CTBP2: variants seen among roughly 807,000 people sequenced by gnomAD.
The protein encoded by CTBP2 is C-terminal-binding protein 2.
In CTBP2, 30 loss-of-function variants were observed where a neutral mutation model predicts 80.3. The ratio of observed to expected loss-of-function variants is 0.37; its 90% CI spans 0.28 to 0.51. The LOEUF is 0.51. CTBP2 is among the 20% of genes least tolerant of loss of function. CTBP2 has a pLI of 0.93. For missense variants in CTBP2, 1,212 were observed against 1,375.3 expected (o/e 0.88, Z 1.88); for synonymous variants, 594 against 587.4 (o/e 1.01, Z -0.16).
At chr10:125,161,197 A>C (rs1300074335), upstream of CTBP2, 2 of 151,086 alleles carry the variant, frequency 1.3e-5, no homozygotes, top group Non-Finnish European at 2.9e-5. Context: ...GCTCCGCGAA[A>C]GTGCACACAA....
intron 1 of CTBP2, chr10:125,026,033 C>T (rs367943790): frequency 2.1e-4 from 316 of 1,529,150 alleles, no homozygotes; most frequent in Middle Eastern, 7.9e-4. Flanking sequence ...CCCGCACCCC[C>T]CTGCTCCCCC....
chr10:124,987,588 A>G lies in CTBP2; in HGVS notation c.*1930T>C, dbSNP rs912817243. ...TGAGTGGTTACGAAGACGTTAAACTACCTTTTTGTTCCCTGGGGTAATAGG... is the reference window on the plus strand; with the variant it reads ...TGAGTGGTTACGAAGACGTTAAACTGCCTTTTTGTTCCCTGGGGTAATAGG... On this transcript the variant is annotated 3_prime_UTR_variant, in exon 9 of 9. Coordinates refer to ENST00000309035, the MANE Select transcript of CTBP2 (RefSeq NM_022802.3). The G allele has an allele frequency of 2.0e-5, 3 of 152,048 alleles. No individual in the cohort carries two copies. The highest frequency in any genetic ancestry group is 7.2e-5 in the African/African-American group (3 of 41,396). 9.4% of individuals were successfully genotyped at this position (152,048 alleles called of 1,614,324 possible).
chr10:125,008,016 C>G (rs2028399), intron 1 of CTBP2, among the ~76,000 whole-genome samples: 29,047 of 151,738 alleles, frequency 0.19, 4,732 homozygotes, highest in African/African-American at 0.44. Context: ...GCACGATCTC[C>G]GCTCACTGCA....
chr10:125,082,646 G>A (rs1290043863), intron 2 of CTBP2, among the ~76,000 whole-genome samples: 2 of 147,572 alleles, frequency 1.4e-5, no homozygotes, highest in African/African-American at 5.1e-5. Context: ...AGAGTGAAGT[G>A]GCATGATCTC....
At chr10:125,138,558 C>T (rs965833694) in intron 1 of CTBP2, among the ~76,000 whole-genome samples, 2 of 151,316 alleles carry the variant, frequency 1.3e-5, no homozygotes, top group East Asian at 1.9e-4. Flanking sequence ...GAAGGAGGCT[C>T]GTGGATAATC....
At chr10:125,160,237 G>T (rs2133557988) in intron 1 of CTBP2, 82 bp downstream of exon 1, 1 of 152,368 alleles carries the variant, frequency 6.6e-6, no homozygotes, top group South Asian at 1.8e-4. Flanking sequence ...GCAGTGAGGC[G>T]CGGGCGCGGC....
At chr10:125,055,475 T>C (rs1963687751) in intron 2 of CTBP2, among the ~76,000 whole-genome samples, 1 of 152,136 alleles carries the variant, frequency 6.6e-6, no homozygotes, top group Non-Finnish European at 1.5e-5. Flanking sequence ...AAATCCAAAC[T>C]TCAGAGAACC....
At position 124,989,486 on chromosome 10, in the gene CTBP2, G is replaced by GT. The variant is rs1387007197; in HGVS notation, c.*31dup. 5 of 1,592,356 alleles carry GT rather than the reference G, an allele frequency of 3.1e-6. No individual in the cohort carries two copies. The highest frequency in any genetic ancestry group is 4.3e-6 in the Non-Finnish European group (5 of 1,162,102). On this transcript the variant is annotated 3_prime_UTR_variant, in exon 9 of 9. Transcript: ENST00000309035. ...TTTTCACTGTCTCTTGGTCCCAAGTGTATCTGAGTGATTACCTTCTGGCAT... is the reference window on the plus strand; with the variant it reads ...TTTTCACTGTCTCTTGGTCCCAAGTGTTATCTGAGTGATTACCTTCTGGCAT...
chr10:125,105,804 A>C (rs1851363460), intron 2 of CTBP2, among the ~76,000 whole-genome samples: 1 of 152,226 alleles, frequency 6.6e-6, no homozygotes, highest in Non-Finnish European at 1.5e-5. Context: ...GCCACTAATC[A>C]CACCCAGCAA....
chr10:125,130,650 A>T (rs575287770), intron 1 of CTBP2, among the ~76,000 whole-genome samples: 12 of 152,330 alleles, frequency 7.9e-5, no homozygotes, highest in African/African-American at 2.6e-4. Context: ...CAGTTAAAAT[A>T]TAGTGCGTGG....
Position 124,998,163 on chromosome 10 carries a change from G to C in CTBP2, c.1986C>G (p.Ala662=). ...CGGCTGCAGACGGGATGTTGCACAC[G>C]GCAATTCCTGAAAGGGATGAGGCCA... The change falls in exon 4 of 9, where the codon GCC becomes GCG. Residue 662 remains alanine, a synonymous_variant. Transcript: ENST00000309035. 1.2e-6 allele frequency: 2 copies of C among 1,604,742 alleles called. No individual in the cohort carries two copies. The highest frequency in any genetic ancestry group is 1.7e-6 in the Non-Finnish European group (2 of 1,176,506).
intron 2 of CTBP2, among the ~76,000 whole-genome samples, chr10:125,071,186 G>C (rs559339112): frequency 6.6e-6 from 1 of 152,328 alleles, no homozygotes; most frequent in African/African-American, 2.4e-5. Flanking sequence ...CTGCTGAGAG[G>C]GGAAACAGAG....
chr10:125,115,528 A>C (rs1024128446), intron 1 of CTBP2, among the ~76,000 whole-genome samples: 1 of 152,194 alleles, frequency 6.6e-6, no homozygotes, highest in Non-Finnish European at 1.5e-5. Flanking sequence ...CTACCTTCAC[A>C]GGTGGTCAGG....
chr10:125,143,404 G>A (rs1406082127), intron 1 of CTBP2, among the ~76,000 whole-genome samples: 1 of 152,140 alleles, frequency 6.6e-6, no homozygotes, highest in African/African-American at 2.4e-5. Context: ...CTTGAACCCG[G>A]GAGGCAGAGG....
intron 2 of CTBP2, among the ~76,000 whole-genome samples, chr10:125,101,457 C>T (rs1404360370): frequency 2.0e-5 from 3 of 152,362 alleles, no homozygotes; most frequent in East Asian, 1.9e-4. Flanking sequence ...GCCAGCACCT[C>T]GCCTTGGCTG....
At chr10:125,149,592 C>A (rs1859448882) in intron 1 of CTBP2, among the ~76,000 whole-genome samples, 1 of 152,216 alleles carries the variant, frequency 6.6e-6, no homozygotes, top group Non-Finnish European at 1.5e-5. Context: ...CCCGGCCCCA[C>A]CAGAGCCCCA....
intron 2 of CTBP2, among the ~76,000 whole-genome samples, chr10:125,061,638 C>T (rs1220795969): frequency 6.6e-6 from 1 of 152,154 alleles, no homozygotes; most frequent in African/African-American, 2.4e-5. Context: ...AAGCCTGAGG[C>T]CCCCACACCA....
chr10:125,026,650 G>C lies in CTBP2; in HGVS notation c.1110C>G (p.Ser370Arg). 6.3e-7 allele frequency: 1 copy of C among 1,589,914 alleles called. No individual in the cohort carries two copies. Among genetic ancestry groups the C allele is most frequent in the South Asian group, 1.1e-5 (1 of 88,688 alleles). Residue 370 changes from serine to arginine, a missense_variant, in exon 1 of 9, where the codon AGC becomes AGG. Ser to Arg is a moderately radical substitution (Grantham distance 110). Around this residue, in one of 3 missense-constraint regions of CTBP2, gnomAD observed 848 missense variants for 782.3 expected, o/e 1.08. Coordinates refer to ENST00000309035, the MANE Select transcript of CTBP2 (RefSeq NM_022802.3). Reference sequence around the variant, plus strand: ...GCAGTTCGCTTCGGTGGCTGAAGCTGCTGGACCGCGCCCGGGGCAGCGGGC... The same window carrying C: ...GCAGTTCGCTTCGGTGGCTGAAGCTCCTGGACCGCGCCCGGGGCAGCGGGC...
chr10:125,039,600 G>T (rs1027966048), intron 2 of CTBP2, among the ~76,000 whole-genome samples: 2 of 152,256 alleles, frequency 1.3e-5, no homozygotes, highest in African/African-American at 2.4e-5. Flanking sequence ...CTGCTGCCAG[G>T]TGAGTTACAA....
Sources: allele counts gnomAD v4.1 joint callset (sites outside exome capture counted in the v4.1 genomes callset), GRCh38; gene constraint gnomAD v4.1.1; regional missense constraint gnomAD v4.1.1; transcripts MANE v1.5; gene names NCBI Gene and HGNC (gene_info 2026-07-23, HGNC 2026-07-21).